AGBL4: variants seen among roughly 807,000 people sequenced by gnomAD.
AGBL4 encodes cytosolic carboxypeptidase 6.
Under a neutral mutation model 66.4 loss-of-function variants are expected in AGBL4, and 58 were observed. The ratio of observed to expected loss-of-function variants is 0.87; its 90% CI spans 0.71 to 1.09. The LOEUF (loss-of-function observed/expected upper bound fraction) is 1.09. AGBL4 is among the 50% of genes least tolerant of loss of function. AGBL4 has a pLI of 0.00. For missense variants in AGBL4, 579 were observed against 631.0 expected, an observed-to-expected ratio of 0.92 and a Z score of 0.88; for synonymous variants, 234 against 222.9, an observed-to-expected ratio of 1.05 and a Z score of -0.44.
At chr1:49,911,899 C>T (rs530753439) in intron 1 of AGBL4, among the ~76,000 whole-genome samples, 4 of 152,328 alleles carry the variant, frequency 2.6e-5, no homozygotes, top group African/African-American at 9.6e-5. Context: ...TGGCTCCAGC[C>T]TTCCTCACCT....
intron 3 of AGBL4, among the ~76,000 whole-genome samples, chr1:49,322,379 AT>A (rs1334743164): frequency 6.6e-6 from 1 of 152,246 alleles, no homozygotes; most frequent in Non-Finnish European, 1.5e-5. Context: ...AGGATAAGAA[AT>A]GAGACTCTTT....
At chr1:49,804,945 T>G (rs2147956826) in intron 2 of AGBL4, among the ~76,000 whole-genome samples, 1 of 152,318 alleles carries the variant, frequency 6.6e-6, no homozygotes, top group South Asian at 2.1e-4. Flanking sequence ...GAATGGTGGC[T>G]TATCTGGGCT....
At chr1:49,683,022 T>C (rs974088008) in intron 3 of AGBL4, among the ~76,000 whole-genome samples, 1 of 152,198 alleles carries the variant, frequency 6.6e-6, no homozygotes, top group Non-Finnish European at 1.5e-5. Flanking sequence ...ATCCCAGGTC[T>C]TAGACTGATG....
At chr1:49,800,306 G>T (rs1354219111) in intron 2 of AGBL4, among the ~76,000 whole-genome samples, 6 of 151,606 alleles carry the variant, frequency 4.0e-5, no homozygotes, top group African/African-American at 1.5e-4. Flanking sequence ...CTTTGAGAAA[G>T]CAATCAGCCA....
intron 11 of AGBL4, among the ~76,000 whole-genome samples, chr1:48,550,817 A>C (rs937094958): frequency 3.3e-5 from 5 of 152,094 alleles, no homozygotes; most frequent in African/African-American, 1.2e-4. Context: ...CAGCAAGTGG[A>C]TTTACCAGGA....
At chr1:49,842,893 C>G (rs1411666590) in intron 2 of AGBL4, among the ~76,000 whole-genome samples, 3 of 152,174 alleles carry the variant, frequency 2.0e-5, no homozygotes, top group Non-Finnish European at 4.4e-5. Context: ...TCAGTTCTCG[C>G]ATAGTAAAAG....
At chr1:49,690,855 A>G (rs975717406) in intron 3 of AGBL4, among the ~76,000 whole-genome samples, 5 of 152,174 alleles carry the variant, frequency 3.3e-5, no homozygotes, top group Admixed American at 6.6e-5. Flanking sequence ...TCTTCCATCA[A>G]CGCTATTAGG....
intron 1 of AGBL4, chr1:49,995,588 T>C (rs565116374): frequency 6.1e-5 from 17 of 280,648 alleles, no homozygotes; most frequent in South Asian, 2.6e-4. Context: ...ACAAAGAACA[T>C]AGTCTCTTGG....
chr1:49,350,183 ATTTGT>A (rs1197989310), intron 3 of AGBL4, among the ~76,000 whole-genome samples: 43 of 144,824 alleles, frequency 3.0e-4, no homozygotes, highest in African/African-American at 1.1e-3. Context: ...TTCAATGAAT[ATTTGT>A]TTTTTTTTTT....
At chr1:49,984,901 G>A (rs1001356424) in intron 1 of AGBL4, among the ~76,000 whole-genome samples, 5 of 152,158 alleles carry the variant, frequency 3.3e-5, no homozygotes, top group Admixed American at 6.6e-5. Flanking sequence ...CATTCAAAAA[G>A]AGCACATAGA....
chr1:49,283,281 G>T (rs533273562), intron 3 of AGBL4, among the ~76,000 whole-genome samples: 1 of 152,020 alleles, frequency 6.6e-6, no homozygotes, highest in Non-Finnish European at 1.5e-5. Context: ...CACACGGCAG[G>T]GTATTCCAAC....
chr1:48,902,173 C>T (rs1652142712), intron 5 of AGBL4, among the ~76,000 whole-genome samples: 1 of 152,040 alleles, frequency 6.6e-6, no homozygotes, highest in Admixed American at 6.6e-5. Flanking sequence ...GGGGACACAG[C>T]CAAACCATAT....
chr1:48,823,944 T>A (rs1357388187), intron 6 of AGBL4, among the ~76,000 whole-genome samples: 1 of 152,012 alleles, frequency 6.6e-6, no homozygotes, highest in African/African-American at 2.4e-5. Context: ...CAGGAATACA[T>A]AAGAGAAAAG....
At chr1:49,548,995 G>C (rs1652734453) in intron 3 of AGBL4, among the ~76,000 whole-genome samples, 1 of 151,938 alleles carries the variant, frequency 6.6e-6, no homozygotes, top group African/African-American at 2.4e-5. Context: ...CCTGATTTAA[G>C]CTAGGAGTGT....
At chr1:49,379,370 C>T (rs1229424818) in intron 3 of AGBL4, among the ~76,000 whole-genome samples, 1 of 152,130 alleles carries the variant, frequency 6.6e-6, no homozygotes, top group Non-Finnish European at 1.5e-5. Context: ...TTATTTAATG[C>T]AGCATAGAAC....
At chr1:49,286,238 A>C (rs1279940398) in intron 3 of AGBL4, among the ~76,000 whole-genome samples, 1 of 152,132 alleles carries the variant, frequency 6.6e-6, no homozygotes, top group African/African-American at 2.4e-5. Flanking sequence ...ATCTATGACA[A>C]ACCCACAGCC....
chr1:49,441,305 G>T (rs890274065), intron 3 of AGBL4, among the ~76,000 whole-genome samples: 1 of 152,164 alleles, frequency 6.6e-6, no homozygotes, highest in African/African-American at 2.4e-5. Flanking sequence ...CATAGAGTTG[G>T]ATCAGGCTGC....
At chr1:48,837,761 C>T (rs1279806758) in intron 6 of AGBL4, among the ~76,000 whole-genome samples, 3 of 124,412 alleles carry the variant, frequency 2.4e-5, no homozygotes, top group Non-Finnish European at 5.0e-5. Context: ...TTCTGTCTCT[C>T]TAGAGAACCC....
intron 9 of AGBL4, among the ~76,000 whole-genome samples, chr1:48,611,765 T>C (rs1645242421): frequency 6.6e-6 from 1 of 152,212 alleles, no homozygotes; most frequent in Admixed American, 6.5e-5. Flanking sequence ...GCATATGCCT[T>C]TAACCACCAG....
Sources: allele counts gnomAD v4.1 joint callset (sites outside exome capture counted in the v4.1 genomes callset), GRCh38; gene constraint gnomAD v4.1.1; transcripts MANE v1.5; gene names NCBI Gene and HGNC (gene_info 2026-07-23, HGNC 2026-07-21).